Variants in VCL observed in about 807,000 individuals in gnomAD.
The protein encoded by VCL is vinculin, also known as epididymis luminal protein 114.
A neutral mutation model predicts 125.7 loss-of-function variants in VCL; 47 were observed. The ratio of observed to expected loss-of-function variants is 0.37; its 90% CI spans 0.30 to 0.48. The LOEUF (loss-of-function observed/expected upper bound fraction) is 0.48, where lower values mean the gene tolerates loss of function less well. VCL is among the 20% of genes least tolerant of loss of function. The probability of loss-of-function intolerance (pLI) is 0.99; values close to 1 mark genes in which losing one functional copy is unlikely to be tolerated. For synonymous variants in VCL, 458 were observed against 514.6 expected, an observed-to-expected ratio of 0.89 and a Z score of 1.49; for missense variants, 1,069 against 1,455.5, an observed-to-expected ratio of 0.73 and a Z score of 4.32.
intron 2 of VCL, among the ~76,000 whole-genome samples, chr10:74,062,569 G>A (rs1040721554): frequency 3.3e-5 from 5 of 151,946 alleles, no homozygotes; most frequent in African/African-American, 4.8e-5. Flanking sequence ...TACTGATTCT[G>A]TCATCTTTGT....
intron 5 of VCL, among the ~76,000 whole-genome samples, chr10:74,073,330 G>T (rs1839521174): frequency 6.6e-6 from 1 of 152,200 alleles, no homozygotes; most frequent in Non-Finnish European, 1.5e-5. Flanking sequence ...GATGGCTGTA[G>T]CTGATTGGCT....
At position 74,109,146 on chromosome 10, in the gene VCL, G is replaced by T; in HGVS notation, c.2735G>T (p.Trp912Leu). 1 of 1,614,038 alleles carries T rather than the reference G, an allele frequency of 6.2e-7. No homozygotes were observed. The highest frequency in any genetic ancestry group is 8.5e-7 in the Non-Finnish European group (1 of 1,180,000). ...ARQLHDEARK[W>L]SSKPGIPAAE... ...CAGCTCCATGATGAAGCTCGCAAAT[G>T]GTCCAGCAAGGTAAGTAGTGAAGCT... Residue 912 changes from tryptophan (W) to leucine (L), a missense_variant, in exon 18 of 22, where the codon TGG (tryptophan) becomes TTG (leucine). This residue lies in a region of VCL where 86 missense variants were observed against 91.0 expected (regional missense o/e 0.95). Coordinates refer to ENST00000211998, the MANE Select transcript of VCL (RefSeq NM_014000.3).
intron 14 of VCL, 138 bp downstream of exon 14, chr10:74,101,235 C>A (rs560925360): frequency 7.8e-7 from 1 of 1,288,928 alleles, no homozygotes; most frequent in South Asian, 1.3e-5. Flanking sequence ...CCTATAATTC[C>A]GGCACTTTGG....
intron 19 of VCL, among the ~76,000 whole-genome samples, chr10:74,112,821 C>G (rs1362181133): frequency 6.6e-6 from 1 of 152,086 alleles, no homozygotes; most frequent in Non-Finnish European, 1.5e-5. Flanking sequence ...AGGTGGCATG[C>G]TGCAAGAAGA....
chr10:74,019,612 A>G (rs890565871), intron 1 of VCL, among the ~76,000 whole-genome samples: 1 of 152,224 alleles, frequency 6.6e-6, no homozygotes, highest in Non-Finnish European at 1.5e-5. Context: ...GAGTGCAGAT[A>G]GAGAAAAGAC....
chr10:73,999,580 G>A (rs1398020471), intron 1 of VCL, among the ~76,000 whole-genome samples: 7 of 152,078 alleles, frequency 4.6e-5, no homozygotes, highest in African/African-American at 1.7e-4. Flanking sequence ...GCAGTTGGGC[G>A]GCAACTGTGG....
chr10:74,029,914 T>C (rs1483490278), intron 1 of VCL, among the ~76,000 whole-genome samples: 1 of 152,230 alleles, frequency 6.6e-6, no homozygotes, highest in Non-Finnish European at 1.5e-5. Flanking sequence ...AAAAATCACC[T>C]GAAATTCTAC....
At chr10:74,028,616 C>T (rs1368989413) in intron 1 of VCL, among the ~76,000 whole-genome samples, 1 of 152,008 alleles carries the variant, frequency 6.6e-6, no homozygotes, top group African/African-American at 2.4e-5. Flanking sequence ...AGGCTGGTCT[C>T]GAACTCCTGA....
In VCL at chr10:74,119,169, T is replaced by C. The variant is rs540494357; in HGVS notation, c.*1000T>C. 2.2e-4 allele frequency: 33 copies of C among 152,804 alleles called. No individual in the cohort carries two copies. Among genetic ancestry groups the C allele is most frequent in the African/African-American group, 7.5e-4 (31 of 41,586 alleles). The allele number at this position is 152,804 out of a possible 1,614,324, so 9.5% of individuals were successfully genotyped here. On this transcript the variant is annotated 3_prime_UTR_variant, in exon 22 of 22. Transcript: ENST00000211998. ...CAAAACATGTCTCCTATCCTGGTTTTTGTAGCCTTCCTCCACATCCTTTCT... is the reference window on the plus strand; with the variant it reads ...CAAAACATGTCTCCTATCCTGGTTTCTGTAGCCTTCCTCCACATCCTTTCT...
At chr10:74,100,570 T>C (rs1174831194) in intron 13 of VCL, among the ~76,000 whole-genome samples, 2 of 152,202 alleles carry the variant, frequency 1.3e-5, no homozygotes, top group African/African-American at 2.4e-5. Flanking sequence ...GGAGTGGGCT[T>C]GACTGTCTTC....
Position 74,105,137 on chromosome 10 carries a change from G to C in VCL, c.2218G>C (p.Ala740Pro). ...AAAAGACCTGGACAAGTGCAAGGTA[G>C]CTATGGCCAACATTCAGCCTCAGAT... ...IKKDLDKCKV[A>P]MANIQPQMLV... Residue 740 changes from alanine to proline, a missense_variant, in exon 16 of 22, where the codon GCT becomes CCT. Ala to Pro is a conservative substitution (Grantham distance 27). Transcript: ENST00000211998. 1 of 1,614,220 alleles carries C rather than the reference G, an allele frequency of 6.2e-7. No individual in the cohort carries two copies.
intron 1 of VCL, among the ~76,000 whole-genome samples, chr10:74,005,648 C>T (rs1371134058): frequency 6.6e-6 from 1 of 152,132 alleles, no homozygotes; most frequent in Non-Finnish European, 1.5e-5. Context: ...AGTTATCCGT[C>T]GGTATCCATG....
At chr10:74,057,581 AATATT>A (rs1841410051) in intron 2 of VCL, among the ~76,000 whole-genome samples, 2 of 152,082 alleles carry the variant, frequency 1.3e-5, no homozygotes, top group Admixed American at 6.5e-5. Context: ...TCTGGACTTT[AATATT>A]ATCTTCAAAT....
In VCL at chr10:74,103,825, C is replaced by T. The variant is rs528539468; in HGVS notation, c.2028C>T (p.Val676=). 1.2e-6 allele frequency: 2 copies of T among 1,614,024 alleles called. No individual in the cohort carries two copies. The highest frequency in any genetic ancestry group is 1.7e-6 in the Non-Finnish European group (2 of 1,179,986). The change falls in exon 15 of 22, where the codon GTC becomes GTT. Residue 676 remains valine (V), a synonymous_variant. Transcript: ENST00000211998. ...AGGTGTTTTGTCATTGTCAGGTGGT[C>T]TCGGCTGCTCGTATCTTACTTAGGA... ...KTARELTPQV[V]SAARILLRNP... is the part of the protein sequence containing the mutation.
At chr10:74,004,680 A>G (rs1221767905) in intron 1 of VCL, among the ~76,000 whole-genome samples, 1 of 150,790 alleles carries the variant, frequency 6.6e-6, no homozygotes, top group East Asian at 1.9e-4. Flanking sequence ...TCATAGCCAC[A>G]CCCAATTTCA....
At chr10:74,065,512 A>G (rs918696142) in intron 2 of VCL, among the ~76,000 whole-genome samples, 11 of 151,982 alleles carry the variant, frequency 7.2e-5, no homozygotes, top group African/African-American at 7.3e-5. Flanking sequence ...CAACATGGCA[A>G]CACTCCATCG....
At chr10:74,008,281 A>G (rs1051882987) in intron 1 of VCL, among the ~76,000 whole-genome samples, 1 of 152,188 alleles carries the variant, frequency 6.6e-6, no homozygotes, top group African/African-American at 2.4e-5. Flanking sequence ...AGTGAAATAT[A>G]TACTAAGAGG....
intron 1 of VCL, among the ~76,000 whole-genome samples, chr10:74,000,302 C>A (rs1051181050): frequency 7.0e-6 from 1 of 142,932 alleles, no homozygotes; most frequent in South Asian, 2.2e-4. Flanking sequence ...CGCTCTGTCA[C>A]GCAGGCGCTG....
intron 6 of VCL, 150 bp downstream of exon 6, chr10:74,075,053 T>A (rs1839559960): frequency 4.8e-6 from 5 of 1,041,798 alleles, no homozygotes; most frequent in Non-Finnish European, 7.1e-6. Flanking sequence ...CATTTCTGTT[T>A]CATAGGTTAC....
Sources: allele counts gnomAD v4.1 joint callset (sites outside exome capture counted in the v4.1 genomes callset), GRCh38; gene constraint gnomAD v4.1.1; regional missense constraint gnomAD v4.1.1; transcripts MANE v1.5; gene names NCBI Gene and HGNC (gene_info 2026-07-23, HGNC 2026-07-21).